BRINP1: variants seen among roughly 807,000 people sequenced by gnomAD.
The protein encoded by BRINP1 is BMP/retinoic acid inducible neural specific 1.
In BRINP1, 17 loss-of-function variants were observed where a neutral mutation model predicts 72.9. The observed-to-expected ratio is 0.23, with a 90% CI of 0.16 to 0.35. The LOEUF (loss-of-function observed/expected upper bound fraction) is 0.35, where lower values mean the gene tolerates loss of function less well. BRINP1 is among the 10% of genes least tolerant of loss of function. BRINP1 has a pLI of 1.00. For synonymous variants in BRINP1, 418 were observed against 378.5 expected (o/e 1.10, Z -1.21); for missense variants, 850 against 1,001.6 (o/e 0.85, Z 2.04).
At chr9:119,342,003 G>C (rs936790219) in intron 1 of BRINP1, among the ~76,000 whole-genome samples, 5 of 152,006 alleles carry the variant, frequency 3.3e-5, no homozygotes, top group Non-Finnish European at 7.4e-5. Context: ...CCTGACCTCA[G>C]GTGATCTGCC....
At chr9:119,180,405 GACAA>G (rs1272791092) in intron 7 of BRINP1, among the ~76,000 whole-genome samples, 1 of 152,100 alleles carries the variant, frequency 6.6e-6, no homozygotes, top group Non-Finnish European at 1.5e-5. Context: ...AAACTGAGAA[GACAA>G]ACAGTTGTTT....
intron 7 of BRINP1, among the ~76,000 whole-genome samples, chr9:119,174,513 TTGG>T (rs1476346998): frequency 2.2e-5 from 3 of 137,232 alleles, no homozygotes. Flanking sequence ...TTTTACACTG[TTGG>T]TGGGACTGTA....
At chr9:119,269,755 GATTCATTC>G (rs978976441) in intron 2 of BRINP1, among the ~76,000 whole-genome samples, 1 of 152,022 alleles carries the variant, frequency 6.6e-6, no homozygotes, top group Admixed American at 6.6e-5. Flanking sequence ...GCTTTCACAT[GATTCATTC>G]ATTCATTCAA....
chr9:119,263,799 G>A (rs553248128), intron 2 of BRINP1, among the ~76,000 whole-genome samples: 8 of 151,762 alleles, frequency 5.3e-5, no homozygotes, highest in East Asian at 3.9e-4. Flanking sequence ...TAGTAGAGAC[G>A]GGGTTTCACC....
At chr9:119,258,508 C>T (rs1830467449) in intron 2 of BRINP1, among the ~76,000 whole-genome samples, 1 of 152,192 alleles carries the variant, frequency 6.6e-6, no homozygotes, top group South Asian at 2.1e-4. Context: ...ACACTCCATG[C>T]ACTGGAACTG....
At chr9:119,181,157 A>C (rs1829552367) in intron 7 of BRINP1, among the ~76,000 whole-genome samples, 1 of 152,220 alleles carries the variant, frequency 6.6e-6, no homozygotes, top group African/African-American at 2.4e-5. Context: ...GGCTAAAAAC[A>C]GCAGGACACT....
chr9:119,313,250 T>G lies in BRINP1; in HGVS notation c.106A>C (p.Lys36Gln), dbSNP rs774694142. 6.2e-7 allele frequency: 1 copy of G among 1,614,030 alleles called. No homozygotes were observed. The highest frequency in any genetic ancestry group is 8.5e-7 in the Non-Finnish European group (1 of 1,180,020). Residue 36 changes from lysine to glutamine, a missense_variant, in exon 2 of 8, where the codon AAG becomes CAG. Transcript: ENST00000265922. ...TCTGAAATGAGCCAATCAAATTCCT[T>G]GGAGACATGTTGGTCTGTCCCAGCT... The part of the protein sequence containing the change: ...EPAGTDQHVS[K>Q]EFDWLISDRG...
At chr9:119,307,434 T>C (rs1020503487) in intron 2 of BRINP1, among the ~76,000 whole-genome samples, 1 of 152,142 alleles carries the variant, frequency 6.6e-6, no homozygotes, top group African/African-American at 2.4e-5. Flanking sequence ...TTTGTATATC[T>C]ATACCACAGG....
rs1487814800 is a variant in BRINP1, at chr9:119,313,156, G to T, written c.200C>A (p.Thr67Asn). 6.2e-7 allele frequency: 1 copy of T among 1,614,010 alleles called. No homozygotes were observed. The highest frequency in any genetic ancestry group is 8.5e-7 in the Non-Finnish European group (1 of 1,180,014). ...FVERHRQGFT[T>N]RYKIYREFAR... is the part of the protein sequence containing the mutation. Reference sequence around the variant, plus strand: ...GTCTTACCTGTATATTTTATATCTGGTTGTAAATCCTTGACGGTGTCTTTC... The same window carrying T: ...GTCTTACCTGTATATTTTATATCTGTTTGTAAATCCTTGACGGTGTCTTTC... The change falls in exon 2 of 8, where the codon ACC becomes AAC. Residue 67 changes from threonine (T) to asparagine (N), a missense_variant. By Grantham distance (65) the Thr-to-Asn change is moderately conservative (BLOSUM62 0). Transcript: ENST00000265922.
chr9:119,287,533 T>C (rs1366692751), intron 2 of BRINP1, among the ~76,000 whole-genome samples: 1 of 152,202 alleles, frequency 6.6e-6, no homozygotes, highest in African/African-American at 2.4e-5. Context: ...TCTACTACAC[T>C]GGGCTTGTTC....
chr9:119,312,652 A>G (rs1412663870), intron 2 of BRINP1, among the ~76,000 whole-genome samples: 1 of 152,172 alleles, frequency 6.6e-6, no homozygotes, highest in Non-Finnish European at 1.5e-5. Flanking sequence ...TTTGGGTAGG[A>G]TATTGGGTAC....
intron 2 of BRINP1, among the ~76,000 whole-genome samples, chr9:119,298,716 C>G (rs541217156): frequency 6.6e-6 from 1 of 152,272 alleles, no homozygotes; most frequent in Non-Finnish European, 1.5e-5. Context: ...CTTGCCATCT[C>G]CCAACACCCT....
At chr9:119,231,853 A>T (rs1235618740) in intron 5 of BRINP1, among the ~76,000 whole-genome samples, 1 of 151,968 alleles carries the variant, frequency 6.6e-6, no homozygotes, top group African/African-American at 2.4e-5. Context: ...TCTCCATGGC[A>T]CAATAACTGA....
chr9:119,265,191 T>A (rs999187105), intron 2 of BRINP1, among the ~76,000 whole-genome samples: 1 of 152,186 alleles, frequency 6.6e-6, no homozygotes, highest in African/African-American at 2.4e-5. Flanking sequence ...CACCCCGAAC[T>A]AAAATTGCCC....
chr9:119,186,755 C>T (rs536640660), intron 7 of BRINP1, among the ~76,000 whole-genome samples: 3 of 152,170 alleles, frequency 2.0e-5, no homozygotes, highest in Non-Finnish European at 4.4e-5. Flanking sequence ...ACCTCCAATG[C>T]GCAGTAAAGC....
intron 7 of BRINP1, among the ~76,000 whole-genome samples, chr9:119,176,373 C>G (rs994274980): frequency 6.6e-6 from 1 of 152,188 alleles, no homozygotes; most frequent in Non-Finnish European, 1.5e-5. Flanking sequence ...GCATTGTACT[C>G]TCTGTGGTAG....
At chr9:119,276,854 C>T (rs1465997100) in intron 2 of BRINP1, among the ~76,000 whole-genome samples, 1 of 152,132 alleles carries the variant, frequency 6.6e-6, no homozygotes, top group Non-Finnish European at 1.5e-5. Flanking sequence ...TTATTATTCA[C>T]ATACAATAAA....
intron 7 of BRINP1, among the ~76,000 whole-genome samples, chr9:119,188,783 T>A (rs977729680): frequency 5.3e-5 from 8 of 151,420 alleles, no homozygotes; most frequent in East Asian, 1.9e-4. Flanking sequence ...TCCCCATCTT[T>A]AAAAAAAATG....
chr9:119,212,030 C>A (rs1468196839), intron 6 of BRINP1, among the ~76,000 whole-genome samples: 1 of 152,066 alleles, frequency 6.6e-6, no homozygotes, highest in African/African-American at 2.4e-5. Flanking sequence ...TAGTAATCAG[C>A]CAAATCTTTC....
Sources: gnomAD v4.1 joint callset for allele counts (sites outside exome capture counted in the v4.1 genomes callset) on GRCh38, gnomAD v4.1.1 for gene constraint, MANE v1.5 for transcripts, NCBI Gene and HGNC (gene_info 2026-07-23, HGNC 2026-07-21) for gene names.